Variants in MAMLD1 observed in about 807,000 individuals in gnomAD.
MAMLD1 encodes mastermind-like domain-containing protein 1.
MAMLD1 carries 14 observed loss-of-function variants against 45.0 expected under a neutral mutation model. The ratio of observed to expected loss-of-function variants is 0.31; its 90% CI spans 0.21 to 0.49. The LOEUF (loss-of-function observed/expected upper bound fraction) is 0.49. Among genes scored for constraint, MAMLD1 ranks in the 20% least tolerant of loss-of-function variants. The pLI is 0.99. For missense variants in MAMLD1, 543 were observed against 603.6 expected (o/e 0.90, Z 1.05); for synonymous variants, 254 against 247.8 (o/e 1.02, Z -0.24).
intron 1 of MAMLD1, among the ~76,000 whole-genome samples, chrX:150,414,620 T>C (rs1557402979): frequency 9.0e-6 from 1 of 111,362 alleles, no homozygotes; most frequent in East Asian, 2.8e-4. Context: ...TAGCATGAAA[T>C]TGAGATCCAA....
intron 2 of MAMLD1, among the ~76,000 whole-genome samples, chrX:150,454,932 C>A (rs781955388): frequency 2.0e-4 from 22 of 111,295 alleles, no homozygotes; most frequent in Non-Finnish European, 4.0e-4. Context: ...ACCTCCATCA[C>A]CTCTACCATT....
intron 6 of MAMLD1, among the ~76,000 whole-genome samples, chrX:150,505,428 A>G (rs1209998665): frequency 1.7e-4 from 19 of 112,158 alleles, no homozygotes; most frequent in Admixed American, 1.7e-3. Flanking sequence ...TGTTATCCCC[A>G]TGCCCGGAAC....
chrX:150,365,816 A>G (rs2031394669), intron 1 of MAMLD1, among the ~76,000 whole-genome samples: 2 of 112,656 alleles, frequency 1.8e-5, no homozygotes, highest in Non-Finnish European at 3.8e-5. Context: ...GCTACTCTGG[A>G]CTGCGCGCTG....
chrX:150,472,728 A>G (rs947253285), intron 4 of MAMLD1, among the ~76,000 whole-genome samples: 1 of 112,058 alleles, frequency 8.9e-6, no homozygotes, highest in African/African-American at 3.2e-5. Context: ...GACCTGGTCT[A>G]GAAAGTAACA....
intron 5 of MAMLD1, among the ~76,000 whole-genome samples, chrX:150,491,179 G>A (rs1044600106): frequency 4.5e-5 from 5 of 111,497 alleles, no homozygotes; most frequent in African/African-American, 6.5e-5. Flanking sequence ...AGTGGGCTCC[G>A]TTGTTATTCC....
intron 3 of MAMLD1, among the ~76,000 whole-genome samples, chrX:150,466,303 C>G (rs2036217347): frequency 1.8e-5 from 2 of 112,840 alleles, no homozygotes; most frequent in Admixed American, 1.9e-4. Context: ...TTAGGGTTGG[C>G]TGGTGTTCTT....
In MAMLD1 at chrX:150,470,849, T is replaced by C; in HGVS notation, c.1276T>C (p.Ser426Pro). The change falls in exon 4 of 8, where the codon TCC becomes CCC. Residue 426 changes from serine to proline, a missense_variant. Transcript: ENST00000370401. ...TQQPQFGPQSSILANLMSSTI... is the reference protein window; with the variant it reads ...TQQPQFGPQSPILANLMSSTI... ...ACAGCCGCAGTTCGGCCCTCAGAGC[T>C]CCATTCTTGCCAACCTCATGTCCTC... The C allele has an allele frequency of 8.3e-7, 1 of 1,211,547 alleles. No homozygotes were observed. Among genetic ancestry groups the C allele is most frequent in the East Asian group, 3.0e-5 (1 of 33,827 alleles).
intron 1 of MAMLD1, among the ~76,000 whole-genome samples, chrX:150,425,132 C>T (rs1419550457): frequency 1.8e-5 from 2 of 111,913 alleles, no homozygotes; most frequent in East Asian, 5.6e-4. Context: ...TTTACTTATC[C>T]ACTTACCTGA....
chrX:150,368,475 G>A (rs782669824), intron 1 of MAMLD1, among the ~76,000 whole-genome samples: 1 of 109,878 alleles, frequency 9.1e-6, no homozygotes, highest in East Asian at 2.9e-4. Context: ...TTTGTCAGAT[G>A]AGTAGATTGC....
rs183605275 is a variant in MAMLD1, at chrX:150,422,669, G to T, written c.-63-22785G>T. Among the ~76,000 whole-genome samples, 626 of 111,697 alleles carry T rather than the reference G, an allele frequency of 5.6e-3. 3 individuals carry two copies. Among genetic ancestry groups the T allele is most frequent in the African/African-American group, 0.019 (599 of 30,723 alleles). On this transcript the variant is annotated intron_variant, in intron 1 of 7. Coordinates refer to ENST00000370401, the MANE Select transcript of MAMLD1 (RefSeq NM_005491.5). ...TGACCTCAAGTGATCCACGCACCTCGGCCTCACAAAGTGCTGGGATTACAG... is the reference window on the plus strand; with the variant it reads ...TGACCTCAAGTGATCCACGCACCTCTGCCTCACAAAGTGCTGGGATTACAG...
intron 2 of MAMLD1, 39 bp downstream of exon 2, chrX:150,445,651 G>T: frequency 1.0e-6 from 1 of 1,002,588 alleles, no homozygotes; most frequent in South Asian, 2.0e-5. Flanking sequence ...GGTATTTAAT[G>T]CTTCTAATCT....
chrX:150,364,832 C>A (rs1377942567), intron 1 of MAMLD1, among the ~76,000 whole-genome samples: 2 of 113,173 alleles, frequency 1.8e-5, no homozygotes, highest in African/African-American at 3.2e-5. Flanking sequence ...CCGGGGTAGA[C>A]CCCCGCGGGA....
intron 5 of MAMLD1, among the ~76,000 whole-genome samples, chrX:150,495,320 CAGA>C (rs202135121): frequency 0.09 from 10,106 of 112,377 alleles, 404 homozygotes; most frequent in Admixed American, 0.18. Flanking sequence ...TGAAGGCTTT[CAGA>C]AGAAGAGAGG....
intron 1 of MAMLD1, among the ~76,000 whole-genome samples, chrX:150,431,517 G>A (rs1157958332): frequency 2.7e-5 from 3 of 110,145 alleles, no homozygotes; most frequent in South Asian, 7.8e-4. Flanking sequence ...TGCCACCCAC[G>A]TAATAAGCAT....
chrX:150,480,415 A>G (rs1238046720), intron 5 of MAMLD1, among the ~76,000 whole-genome samples: 2 of 111,966 alleles, frequency 1.8e-5, no homozygotes, highest in Non-Finnish European at 3.8e-5. Flanking sequence ...TTGTTTTATC[A>G]TGTTGTGTTT....
intron 1 of MAMLD1, among the ~76,000 whole-genome samples, chrX:150,387,526 G>T (rs1415308289): frequency 8.9e-6 from 1 of 111,942 alleles, no homozygotes; most frequent in Non-Finnish European, 1.9e-5. Context: ...CGTATACAGA[G>T]GGCTGACTTT....
At chrX:150,493,455 T>G (rs2037253720) in intron 5 of MAMLD1, among the ~76,000 whole-genome samples, 1 of 112,279 alleles carries the variant, frequency 8.9e-6, no homozygotes. Context: ...AAGGAAATCT[T>G]TTTTTGGAAT....
intron 2 of MAMLD1, among the ~76,000 whole-genome samples, chrX:150,452,470 C>A (rs1243424634): frequency 9.0e-6 from 1 of 111,059 alleles, no homozygotes; most frequent in Admixed American, 9.5e-5. Flanking sequence ...ATCATAGAGA[C>A]CCTTGAGGGC....
At chrX:150,409,808 CA>C (rs2034082190) in intron 1 of MAMLD1, among the ~76,000 whole-genome samples, 1 of 112,428 alleles carries the variant, frequency 8.9e-6, no homozygotes, top group Non-Finnish European at 1.9e-5. Context: ...ATGCCTGTGG[CA>C]ATTTCAGATT....
Sources: gnomAD v4.1 joint callset for allele counts (sites outside exome capture counted in the v4.1 genomes callset) on GRCh38, gnomAD v4.1.1 for gene constraint, MANE v1.5 for transcripts, NCBI Gene and HGNC (gene_info 2026-07-23, HGNC 2026-07-21) for gene names.